The following ATRNL1 variants were observed in gnomAD, a reference collection of about 807,000 sequenced individuals.
ATRNL1 encodes the protein attractin-like protein 1.
Under a neutral mutation model 182.7 loss-of-function variants are expected in ATRNL1, and 95 were observed. The ratio of observed to expected loss-of-function variants is 0.52; its 90% CI spans 0.44 to 0.62. The LOEUF (loss-of-function observed/expected upper bound fraction) is 0.62. Among genes scored for constraint, ATRNL1 ranks in the 20% least tolerant of loss-of-function variants. The probability of loss-of-function intolerance (pLI) is 0.00; values close to 1 mark genes in which losing one functional copy is unlikely to be tolerated. For synonymous variants in ATRNL1, 576 were observed against 568.3 expected (o/e 1.01, Z -0.19); for missense variants, 1,471 against 1,679.5 (o/e 0.88, Z 2.17).
chr10:115,751,441 G>T (rs544691968), intron 27 of ATRNL1, among the ~76,000 whole-genome samples: 2 of 152,070 alleles, frequency 1.3e-5, no homozygotes, highest in East Asian at 3.9e-4. Context: ...ACTCTTAAGA[G>T]GAAGGTTGTG....
intron 26 of ATRNL1, among the ~76,000 whole-genome samples, chr10:115,562,110 A>G (rs1853795012): frequency 6.6e-6 from 1 of 152,222 alleles, no homozygotes; most frequent in Non-Finnish European, 1.5e-5. Context: ...GCTTTAAAGT[A>G]GAAATATCCC....
chr10:115,913,132 A>G (rs1215348280), intron 28 of ATRNL1, among the ~76,000 whole-genome samples: 5 of 152,262 alleles, frequency 3.3e-5, no homozygotes, highest in Non-Finnish European at 7.3e-5. Flanking sequence ...AAAGTACTTT[A>G]TGAACTAAAT....
intron 26 of ATRNL1, among the ~76,000 whole-genome samples, chr10:115,628,072 G>A (rs1288511768): frequency 1.3e-5 from 2 of 151,292 alleles, no homozygotes; most frequent in Non-Finnish European, 2.9e-5. Context: ...GCTTGAACCC[G>A]GGAGGCGGAG....
At chr10:115,544,636 C>T (rs1161902131) in intron 25 of ATRNL1, among the ~76,000 whole-genome samples, 1 of 152,132 alleles carries the variant, frequency 6.6e-6, no homozygotes, top group Non-Finnish European at 1.5e-5. Context: ...GGATCTTTTC[C>T]CCTGACCCGA....
At chr10:115,590,129 G>A (rs766447978) in intron 26 of ATRNL1, among the ~76,000 whole-genome samples, 1 of 152,140 alleles carries the variant, frequency 6.6e-6, no homozygotes, top group African/African-American at 2.4e-5. Context: ...GAGCCTGATC[G>A]TTAAAAGATA....
intron 27 of ATRNL1, among the ~76,000 whole-genome samples, chr10:115,751,090 A>G (rs1359077647): frequency 6.6e-6 from 1 of 152,050 alleles, no homozygotes; most frequent in Non-Finnish European, 1.5e-5. Context: ...GATGGGCCCA[A>G]AGTAATCACA....
intron 26 of ATRNL1, among the ~76,000 whole-genome samples, chr10:115,563,695 G>A (rs184843322): frequency 5.7e-4 from 87 of 152,198 alleles, no homozygotes; most frequent in African/African-American, 1.6e-3. Context: ...ATACATAGTT[G>A]TCTTAGTAAC....
chr10:115,353,244 C>T (rs1554941936), intron 19 of ATRNL1, among the ~76,000 whole-genome samples: 1 of 152,088 alleles, frequency 6.6e-6, no homozygotes, highest in Non-Finnish European at 1.5e-5. Flanking sequence ...TATCTGGATG[C>T]TCCAGTGTTT....
At chr10:115,652,815 G>C (rs1246576699) in intron 26 of ATRNL1, among the ~76,000 whole-genome samples, 1 of 151,964 alleles carries the variant, frequency 6.6e-6, no homozygotes, top group African/African-American at 2.4e-5. Context: ...GAATTTTTCT[G>C]AGGTTATCTT....
intron 26 of ATRNL1, among the ~76,000 whole-genome samples, chr10:115,689,946 C>G (rs1404084967): frequency 6.6e-6 from 1 of 152,172 alleles, no homozygotes; most frequent in South Asian, 2.1e-4. Context: ...AATGGCTGTA[C>G]TTGTAACAGT....
intron 13 of ATRNL1, among the ~76,000 whole-genome samples, chr10:115,276,833 C>G (rs1852127061): frequency 6.6e-6 from 1 of 152,030 alleles, no homozygotes; most frequent in Admixed American, 6.6e-5. Flanking sequence ...ATTAACTTGG[C>G]TCTATGTGTG....
At chr10:115,434,131 T>C (rs1554964449) in intron 21 of ATRNL1, among the ~76,000 whole-genome samples, 2 of 152,166 alleles carry the variant, frequency 1.3e-5, no homozygotes, top group Non-Finnish European at 2.9e-5. Context: ...CTCTGCATCA[T>C]GTCCTGAGAA....
chr10:115,424,157 G>T (rs1436536118), intron 20 of ATRNL1, among the ~76,000 whole-genome samples: 2 of 152,094 alleles, frequency 1.3e-5, no homozygotes, highest in African/African-American at 2.4e-5. Flanking sequence ...CATACGAATG[G>T]CTCACTGATA....
chr10:115,909,649 G>A (rs1225919998), intron 28 of ATRNL1: 2 of 144,634 alleles, frequency 1.4e-5, no homozygotes, highest in Non-Finnish European at 3.0e-5. Flanking sequence ...AAAAAAAGAC[G>A]AAGTGAGGTG....
At chr10:115,666,071 ATAGT>A (rs1860982845) in intron 26 of ATRNL1, among the ~76,000 whole-genome samples, 1 of 152,164 alleles carries the variant, frequency 6.6e-6, no homozygotes, top group Non-Finnish European at 1.5e-5. Flanking sequence ...GTTCTAAGAC[ATAGT>A]TAAATTCAAA....
chr10:115,745,062 C>T (rs1021101010), intron 27 of ATRNL1, among the ~76,000 whole-genome samples: 33 of 152,060 alleles, frequency 2.2e-4, no homozygotes, highest in African/African-American at 7.5e-4. Flanking sequence ...CACTCTGCCC[C>T]AAGACCCTTA....
chr10:115,498,158 A>G (rs782431603), intron 24 of ATRNL1, among the ~76,000 whole-genome samples: 1 of 152,150 alleles, frequency 6.6e-6, no homozygotes, highest in African/African-American at 2.4e-5. Flanking sequence ...TAAGAAAATA[A>G]TATTTTAAAT....
intron 27 of ATRNL1, among the ~76,000 whole-genome samples, chr10:115,765,144 G>A: frequency 6.6e-6 from 1 of 152,192 alleles, no homozygotes; most frequent in East Asian, 1.9e-4. Context: ...TCCATGTGCA[G>A]ATTTTTGTAT....
intron 1 of ATRNL1, among the ~76,000 whole-genome samples, chr10:115,112,536 CT>C (rs1294530181): frequency 6.6e-6 from 1 of 152,124 alleles, no homozygotes; most frequent in African/African-American, 2.4e-5. Context: ...AAAAGGGCCC[CT>C]ATCAGAGTAA....
Sources: allele counts gnomAD v4.1 joint callset (sites outside exome capture counted in the v4.1 genomes callset), GRCh38; gene constraint gnomAD v4.1.1; transcripts MANE v1.5; gene names NCBI Gene and HGNC (gene_info 2026-07-23, HGNC 2026-07-21).